Variants in CEP112 observed in about 807,000 individuals in gnomAD.
CEP112 encodes centrosomal protein 112, also known as centrosomal protein of 112 kDa.
A neutral mutation model predicts 153.0 loss-of-function variants in CEP112; 127 were observed. The ratio of observed to expected loss-of-function variants is 0.83; its 90% CI spans 0.72 to 0.96. The LOEUF (loss-of-function observed/expected upper bound fraction) is 0.96, where lower values mean the gene tolerates loss of function less well. Among genes scored for constraint, CEP112 ranks in the 40% least tolerant of loss-of-function variants. CEP112 has a pLI of 0.00. For synonymous variants in CEP112, 358 were observed against 374.4 expected (o/e 0.96, Z 0.51); for missense variants, 1,089 against 1,101.2 (o/e 0.99, Z 0.16).
chr17:65,932,061 G>A (rs982644935), intron 18 of CEP112, among the ~76,000 whole-genome samples: 1 of 152,156 alleles, frequency 6.6e-6, no homozygotes, highest in African/African-American at 2.4e-5. Flanking sequence ...TTATCACAGA[G>A]CCCAGCCAGC....
At chr17:66,140,794 C>T (rs771932273) in intron 4 of CEP112, among the ~76,000 whole-genome samples, 11 of 151,980 alleles carry the variant, frequency 7.2e-5, no homozygotes, top group East Asian at 1.9e-4. Context: ...CACACCACCA[C>T]GCCTGGCTAA....
intron 17 of CEP112, among the ~76,000 whole-genome samples, chr17:65,971,682 A>G (rs891555205): frequency 2.0e-5 from 3 of 152,320 alleles, no homozygotes; most frequent in East Asian, 1.9e-4. Context: ...CATGCATATT[A>G]CATGCGTGTA....
At chr17:66,098,857 C>T (rs1007342133) in intron 6 of CEP112, among the ~76,000 whole-genome samples, 1 of 152,090 alleles carries the variant, frequency 6.6e-6, no homozygotes, top group Admixed American at 6.6e-5. Context: ...AATAAAGATA[C>T]CAAATCAGCA....
intron 24 of CEP112, among the ~76,000 whole-genome samples, chr17:65,676,208 G>A (rs1348250026): frequency 1.3e-5 from 2 of 151,874 alleles, no homozygotes; most frequent in Non-Finnish European, 2.9e-5. Context: ...ATGGTAGCAT[G>A]TGCCAGCTAC....
At chr17:65,725,740 G>A (rs2050140990) in intron 23 of CEP112, among the ~76,000 whole-genome samples, 1 of 152,158 alleles carries the variant, frequency 6.6e-6, no homozygotes. Flanking sequence ...AAATCAGAAG[G>A]ATGAAAAAAC....
intron 6 of CEP112, 22 bp from the exon 7 acceptor site, chr17:66,096,654 A>T (rs1405541432): frequency 4.8e-6 from 7 of 1,456,244 alleles, no homozygotes; most frequent in Non-Finnish European, 6.7e-6. Context: ...AAAATAAAAC[A>T]AAATAAGGAT....
intron 23 of CEP112, among the ~76,000 whole-genome samples, chr17:65,708,424 G>A (rs916915282): frequency 2.6e-5 from 4 of 152,136 alleles, no homozygotes; most frequent in Admixed American, 6.6e-5. Flanking sequence ...AGCATTAAGA[G>A]GGAAAAAGAT....
intron 10 of CEP112, among the ~76,000 whole-genome samples, chr17:66,063,298 G>A (rs759434311): frequency 2.0e-5 from 3 of 152,086 alleles, no homozygotes; most frequent in African/African-American, 7.2e-5. Flanking sequence ...CTAGACAATT[G>A]TAACAGTGTA....
intron 21 of CEP112, among the ~76,000 whole-genome samples, chr17:65,788,514 C>A (rs2054405683): frequency 6.6e-6 from 1 of 152,110 alleles, no homozygotes; most frequent in Non-Finnish European, 1.5e-5. Context: ...TGACCAAAAT[C>A]ATTTGAGTCT....
At chr17:65,834,523 A>G (rs193277587) in intron 21 of CEP112, among the ~76,000 whole-genome samples, 221 of 152,304 alleles carry the variant, frequency 1.5e-3, no homozygotes, top group African/African-American at 5.1e-3. Context: ...CTACCCCATT[A>G]AAAAGTTGGA....
At chr17:65,911,309 C>T (rs1363773815) in intron 19 of CEP112, among the ~76,000 whole-genome samples, 1 of 152,090 alleles carries the variant, frequency 6.6e-6, no homozygotes, top group Non-Finnish European at 1.5e-5. Flanking sequence ...ATGTTATAAA[C>T]TTCAACAATG....
intron 19 of CEP112, among the ~76,000 whole-genome samples, chr17:65,908,378 T>C (rs1030554864): frequency 2.0e-5 from 3 of 151,746 alleles, no homozygotes; most frequent in African/African-American, 7.3e-5. Context: ...TCATAGGAAA[T>C]TGTCATTTTT....
At chr17:65,933,632 C>T (rs1044707666) in intron 18 of CEP112, among the ~76,000 whole-genome samples, 1 of 152,158 alleles carries the variant, frequency 6.6e-6, no homozygotes, top group Non-Finnish European at 1.5e-5. Flanking sequence ...TCCCGCACCT[C>T]CATCTTCCCC....
chr17:65,710,075 C>T (rs2049099400), intron 23 of CEP112, among the ~76,000 whole-genome samples: 1 of 152,166 alleles, frequency 6.6e-6, no homozygotes, highest in Non-Finnish European at 1.5e-5. Flanking sequence ...TAACAAAATT[C>T]CCAGGTGACC....
chr17:66,041,160 C>A (rs9904229), intron 12 of CEP112, among the ~76,000 whole-genome samples: 78,034 of 150,868 alleles, frequency 0.52, 21,013 homozygotes, highest in African/African-American at 0.59. Context: ...TACTAGTCCC[C>A]AAAATTCAAA....
chr17:66,166,137 TTAA>T (rs1246042290), intron 4 of CEP112, among the ~76,000 whole-genome samples: 1 of 152,168 alleles, frequency 6.6e-6, no homozygotes, highest in Non-Finnish European at 1.5e-5. Context: ...TAGTAGGTAG[TTAA>T]TAATAATTAT....
rs761847617 is a variant in CEP112, at chr17:65,743,077, T to G, written c.2598A>C (p.Gln866His). Reference protein sequence around the residue: ...EKKQLIRDNDQAIKVLQDELE... With the variant: ...EKKQLIRDNDHAIKVLQDELE... ...GAAGTCTTCAGATTACCTTGATTGC[T>G]TGGTCATTATCTCTAATCAGCTGCT... is the stretch of plus-strand genomic sequence containing the variant. Residue 866 changes from glutamine (Q) to histidine (H), a missense_variant, in exon 23 of 27, where the codon CAA becomes CAC. Gln to His is a conservative substitution (Grantham distance 24). Coordinates refer to ENST00000535342, the MANE Select transcript of CEP112 (RefSeq NM_001199165.4). 2.5e-6 allele frequency: 4 copies of G among 1,607,758 alleles called. No homozygotes were observed. The East Asian group carries it at 8.9e-5, about 36-fold the overall frequency.
chr17:66,104,586 G>A (rs1011912462), intron 6 of CEP112, among the ~76,000 whole-genome samples: 17 of 152,236 alleles, frequency 1.1e-4, no homozygotes, highest in African/African-American at 4.1e-4. Flanking sequence ...CCCTCAGCTT[G>A]AGGAAGGGAG....
chr17:66,020,370 G>A (rs754883124), intron 16 of CEP112, among the ~76,000 whole-genome samples: 2 of 152,172 alleles, frequency 1.3e-5, no homozygotes, highest in Non-Finnish European at 2.9e-5. Flanking sequence ...AGGTCAATAC[G>A]TGTTGCTAGA....
Sources: gnomAD v4.1 joint callset for allele counts (sites outside exome capture counted in the v4.1 genomes callset) on GRCh38, gnomAD v4.1.1 for gene constraint, MANE v1.5 for transcripts, NCBI Gene and HGNC (gene_info 2026-07-23, HGNC 2026-07-21) for gene names.